NUP155: variants seen among roughly 807,000 people sequenced by gnomAD.
NUP155 encodes nucleoporin 155, also known as nuclear pore complex protein Nup155.
A neutral mutation model predicts 180.4 loss-of-function variants in NUP155; 71 were observed. That is an observed-to-expected ratio of 0.39 (90% CI 0.33 to 0.48). NUP155 has a LOEUF of 0.48. Among genes scored for constraint, NUP155 ranks in the 20% least tolerant of loss-of-function variants. The probability of loss-of-function intolerance (pLI) is 0.91; values close to 1 mark genes in which losing one functional copy is unlikely to be tolerated. For missense variants in NUP155, 1,553 were observed against 1,648.9 expected, an observed-to-expected ratio of 0.94 and a Z score of 1.01; for synonymous variants, 582 against 559.5, an observed-to-expected ratio of 1.04 and a Z score of -0.57.
chr5:37,330,272 T>G lies in NUP155; in HGVS notation c.1630-140A>C, dbSNP rs796311122. The G allele has an allele frequency of 1.2e-5, 8 of 678,388 alleles. No homozygotes were observed. In the African/African-American group the frequency reaches 1.4e-4, roughly 12 times the overall value. The allele number at this position is 678,388 out of a possible 1,614,324, so 42.0% of individuals were successfully genotyped here. ...TACTTGCTGACTGAATGAAATCAGT[T>G]AGTGTTAAAAAGACAAGTAAACACT... On this transcript the variant is annotated intron_variant, in intron 14 of 34. Coordinates refer to ENST00000231498, the MANE Select transcript of NUP155 (RefSeq NM_153485.3).
Position 37,292,968 on chromosome 5 carries a change from T to A in NUP155, c.3948A>T (p.Arg1316Ser). Residue 1316 changes from arginine to serine, a missense_variant, in exon 34 of 35, where the codon AGA (arginine) becomes AGT (serine). By Grantham distance (110) the Arg-to-Ser change is moderately radical (BLOSUM62 -1). Transcript: ENST00000231498. ...LFKSRDPFWN[R>S]MKKPLHLLDC... ...CCAAAAGGTGCAGTGGCTTCTTCATTCTGTTCCAGAATGGATCCTATGAAG... is the reference window on the plus strand; with the variant it reads ...CCAAAAGGTGCAGTGGCTTCTTCATACTGTTCCAGAATGGATCCTATGAAG... 6.2e-7 allele frequency: 1 copy of A among 1,608,110 alleles called. No homozygotes were observed. The highest frequency in any genetic ancestry group is 8.5e-7 in the Non-Finnish European group (1 of 1,174,784).
At chr5:37,342,500 T>C (rs1745791190) in intron 10 of NUP155, 49 bp downstream of exon 10, 1 of 1,159,900 alleles carries the variant, frequency 8.6e-7, no homozygotes, top group African/African-American at 1.5e-5. Flanking sequence ...ATCTAAGAAT[T>C]TTCAGAAGTT....
chr5:37,298,013 G>A lies in NUP155; in HGVS notation c.3793+855C>T, dbSNP rs569311617. Among the ~76,000 whole-genome samples, 7 of 151,918 alleles carry A rather than the reference G, an allele frequency of 4.6e-5. No individual in the cohort carries two copies. In the East Asian group the frequency reaches 7.7e-4, roughly 17 times the overall value. ...AGCACCTTGGGAGGCCAAGGCAAGC[G>A]GATCACCTGAGGCCAGGAGTTTGAG... On this transcript the variant is annotated intron_variant, in intron 32 of 34. Coordinates refer to ENST00000231498, the MANE Select transcript of NUP155 (RefSeq NM_153485.3).
chr5:37,327,571 T>G, intron 18 of NUP155, 58 bp downstream of exon 18: 3 of 1,592,332 alleles, frequency 1.9e-6, no homozygotes, highest in Non-Finnish European at 2.6e-6. Flanking sequence ...TTAAAAATAT[T>G]TAACTACTCA....
chr5:37,359,489 G>A (rs75873047), intron 3 of NUP155, among the ~76,000 whole-genome samples: 1 of 152,104 alleles, frequency 6.6e-6, no homozygotes, highest in East Asian at 1.9e-4. Flanking sequence ...AAAATCTCCA[G>A]TAAACCAACT....
At chr5:37,351,670 C>T (rs900424124) in intron 5 of NUP155, among the ~76,000 whole-genome samples, 1 of 151,784 alleles carries the variant, frequency 6.6e-6, no homozygotes, top group Non-Finnish European at 1.5e-5. Context: ...AGGATGGTCT[C>T]GATCTCCTGA....
chr5:37,351,349 T>C lies in NUP155; in HGVS notation c.564A>G (p.Gly188=). ...CACCAGACAAACTATCATTAAGAAC[T>C]CCAGAACCTATTTAAGAAAGAATAC... ...LSYANLQTGS[G]VLNDSLSGGM... The change falls in exon 6 of 35, where the codon GGA becomes GGG. Residue 188 remains glycine (G), a synonymous_variant. Coordinates refer to ENST00000231498, the MANE Select transcript of NUP155 (RefSeq NM_153485.3). The C allele has an allele frequency of 1.2e-6, 2 of 1,610,416 alleles. No individual in the cohort carries two copies. Among genetic ancestry groups the C allele is most frequent in the Non-Finnish European group, 1.7e-6 (2 of 1,177,024 alleles).
rs1275436321 is a variant in NUP155 at position 37,371,064 on chromosome 5, C to G, written c.-87G>C. ...ATCCAAGAAGTTAGCTTAGATCCGC[C>G]GCCTAGGGCGCGCGCGCCAAACGAG... On this transcript the variant is annotated 5_prime_UTR_variant, in exon 1 of 35. Coordinates refer to ENST00000231498, the MANE Select transcript of NUP155 (RefSeq NM_153485.3). The G allele has an allele frequency of 5.6e-6, 8 of 1,424,660 alleles. No individual in the cohort carries two copies. In the African/African-American group the frequency reaches 5.7e-5, roughly 10 times the overall value. The allele number at this position is 1,424,660 out of a possible 1,614,324, so 88.3% of individuals were successfully genotyped here. A position where few individuals can be genotyped will look rare whatever the true frequency, so the allele number is the denominator to read the frequency against.
chr5:37,310,870 C>T (rs921528168), intron 22 of NUP155, 127 bp from the exon 23 acceptor site: 13 of 785,734 alleles, frequency 1.7e-5, no homozygotes, highest in Non-Finnish European at 2.1e-5. Flanking sequence ...CGAAAATATA[C>T]TAATTAGTAG....
chr5:37,301,103 G>T (rs1291321163), intron 30 of NUP155: 3 of 307,956 alleles, frequency 9.7e-6, no homozygotes, highest in Admixed American at 4.6e-5. Context: ...GATTACAGGC[G>T]TGAGCCACAG....
At chr5:37,323,475 C>T (rs533925601) in intron 20 of NUP155, among the ~76,000 whole-genome samples, 2 of 152,096 alleles carry the variant, frequency 1.3e-5, no homozygotes, top group East Asian at 3.9e-4. Context: ...TTATCTGTTG[C>T]ATACTTCCAT....
intron 21 of NUP155, among the ~76,000 whole-genome samples, chr5:37,315,088 T>C (rs1011393722): frequency 2.0e-5 from 3 of 152,094 alleles, no homozygotes; most frequent in African/African-American, 7.2e-5. Flanking sequence ...AAAAACTAGA[T>C]GGGTGTGGTG....
intron 31 of NUP155, 149 bp downstream of exon 31, chr5:37,299,299 C>T (rs1742741929): frequency 2.4e-6 from 2 of 844,630 alleles, no homozygotes; most frequent in Non-Finnish European, 3.9e-6. Flanking sequence ...CTCCACCATA[C>T]CCAGGTGACT....
Position 37,294,430 on chromosome 5 carries a change from T to C in NUP155, c.3829A>G (p.Thr1277Ala). 6.2e-7 allele frequency: 1 copy of C among 1,613,690 alleles called. No individual in the cohort carries two copies. The highest frequency in any genetic ancestry group is 8.5e-7 in the Non-Finnish European group (1 of 1,179,652). ...IVQFLEQQVC[T>A]LNWDVGFVIQ... ...ACGAAGCCCACATCCCAGTTCAAAG[T>C]ACAAACCTGCTGTTCTAAAAACTGT... Residue 1277 changes from threonine to alanine, a missense_variant, in exon 33 of 35, where the codon ACT (threonine) becomes GCT (alanine). By Grantham distance (58) the Thr-to-Ala change is moderately conservative. Transcript: ENST00000231498.
At chr5:37,343,785 T>G (rs1452801988) in intron 9 of NUP155, among the ~76,000 whole-genome samples, 1 of 151,782 alleles carries the variant, frequency 6.6e-6, no homozygotes, top group African/African-American at 2.4e-5. Flanking sequence ...CCCAGCTACT[T>G]GGGAGGCTGA....
chr5:37,334,104 G>C (rs541116550), intron 12 of NUP155, among the ~76,000 whole-genome samples: 1 of 150,470 alleles, frequency 6.6e-6, no homozygotes, highest in South Asian at 2.1e-4. Flanking sequence ...CCTGGCCTCT[G>C]GGGTTTTTTT....
Position 37,363,989 on chromosome 5 carries a change from G to A in NUP155, c.296-5C>T. 1 of 1,591,912 alleles carries A rather than the reference G, an allele frequency of 6.3e-7. No homozygotes were observed. Among genetic ancestry groups the A allele is most frequent in the Non-Finnish European group, 8.6e-7 (1 of 1,159,700 alleles). On this transcript the variant is annotated splice_region_variant and splice_polypyrimidine_tract_variant and intron_variant, in intron 2 of 34. Transcript: ENST00000231498. ...TCATGCAATTACACTGCATATCTGA[G>A]GTAGTGTGGATGTAAGGCAGACAGA...
intron 1 of NUP155, among the ~76,000 whole-genome samples, chr5:37,370,307 G>C (rs965863604): frequency 6.6e-6 from 1 of 152,228 alleles, no homozygotes; most frequent in Admixed American, 6.5e-5. Context: ...AGGAGGCGGA[G>C]GTTGCAATGA....
At chr5:37,319,697 C>G (rs1581155377) in intron 20 of NUP155, among the ~76,000 whole-genome samples, 3 of 152,096 alleles carry the variant, frequency 2.0e-5, no homozygotes. Flanking sequence ...GAGAACTTGT[C>G]TCTACAAAAT....
Sources: allele counts gnomAD v4.1 joint callset (sites outside exome capture counted in the v4.1 genomes callset), GRCh38; gene constraint gnomAD v4.1.1; transcripts MANE v1.5; gene names NCBI Gene and HGNC (gene_info 2026-07-23, HGNC 2026-07-21).